ESPNL: variants seen among roughly 807,000 people sequenced by gnomAD.
ESPNL encodes espin-like protein.
ESPNL carries 49 observed loss-of-function variants against 46.8 expected under a neutral mutation model. The ratio of observed to expected loss-of-function variants is 1.05; its 90% CI spans 0.83 to 1.33. The LOEUF is 1.33. Among genes scored for constraint, ESPNL ranks in the 40% most tolerant of loss-of-function variants. The pLI is 0.00. For synonymous variants in ESPNL, 664 were observed against 662.1 expected (o/e 1.00, Z -0.04); for missense variants, 1,540 against 1,436.6 (o/e 1.07, Z -1.16).
In ESPNL at chr2:238,102,111, C is replaced by T. The variant is rs1192431968; in HGVS notation, c.465C>T (p.Leu155=). 3 of 1,558,456 alleles carry T rather than the reference C, an allele frequency of 1.9e-6. No individual in the cohort carries two copies. Among genetic ancestry groups the T allele is most frequent in the South Asian group, 1.2e-5 (1 of 85,406 alleles). The change falls in exon 2 of 9, where the codon CTC becomes CTT. Residue 155 remains leucine, a synonymous_variant. Coordinates refer to ENST00000343063, the MANE Select transcript of ESPNL (RefSeq NM_194312.4). ...AVSGDLTCLK[L]LTAAHGSSVN... ...GTGGGGACCTGACCTGCCTCAAGCTCCTGACAGCCGCGCATGGCAGGTAAG... is the reference window on the plus strand; with the variant it reads ...GTGGGGACCTGACCTGCCTCAAGCTTCTGACAGCCGCGCATGGCAGGTAAG...
chr2:238,128,925 G>A, intron 8 of ESPNL, 21 bp downstream of exon 8: 1 of 1,526,950 alleles, frequency 6.5e-7, no homozygotes, highest in East Asian at 2.5e-5. Flanking sequence ...GGCAGGGGCG[G>A]GACCAGTGGG....
intron 3 of ESPNL, among the ~76,000 whole-genome samples, chr2:238,106,580 C>A (rs1469788335): frequency 6.6e-6 from 1 of 152,232 alleles, no homozygotes; most frequent in Non-Finnish European, 1.5e-5. Context: ...GACCTGGGTC[C>A]CACCCTGGCC....
Position 238,130,890 on chromosome 2 carries a change from G to A in ESPNL, c.2176G>A (p.Gly726Ser). 1 of 1,547,678 alleles carries A rather than the reference G, an allele frequency of 6.5e-7. No homozygotes were observed. Among genetic ancestry groups the A allele is most frequent in the African/African-American group, 1.4e-5 (1 of 73,502 alleles). ...ISCEEVPSEA[G>S]AAAGPDLASL... ...CTGCGAGGAGGTGCCATCAGAGGCG[G>A]GTGCCGCAGCCGGCCCAGACCTGGC... The change falls in exon 9 of 9, where the codon GGT becomes AGT. Residue 726 changes from glycine (G) to serine (S), a missense_variant. Coordinates refer to ENST00000343063, the MANE Select transcript of ESPNL (RefSeq NM_194312.4).
Position 238,119,281 on chromosome 2 carries a change from G to A in ESPNL, c.987+2247G>A, listed in dbSNP as rs555966010. ...GGAGAAATGGATGAAAGAGTTGGACGGAGGAGGTGGATGGAGGAGAAATGG... is the reference window on the plus strand; with the variant it reads ...GGAGAAATGGATGAAAGAGTTGGACAGAGGAGGTGGATGGAGGAGAAATGG... On this transcript the variant is annotated intron_variant, in intron 5 of 8. Transcript: ENST00000343063. Among the ~76,000 whole-genome samples, 5 of 149,678 alleles carry A rather than the reference G, an allele frequency of 3.3e-5. No homozygotes were observed. In the South Asian group the frequency reaches 1.1e-3, roughly 33 times the overall value.
chr2:238,124,244 T>A lies in ESPNL; in HGVS notation c.988-1026T>A, dbSNP rs115307185. On this transcript the variant is annotated intron_variant, in intron 5 of 8. Transcript: ENST00000343063. Reference sequence around the variant, plus strand: ...TGACCCTGGAGCCCTGATGGCCACGTCTGGCTTCCAGTGCCCACTGGAGGG... The same window carrying A: ...TGACCCTGGAGCCCTGATGGCCACGACTGGCTTCCAGTGCCCACTGGAGGG... Among the ~76,000 whole-genome samples the A allele has an allele frequency of 3.9e-3, 601 of 152,310 alleles. 6 individuals carry two copies. Among genetic ancestry groups the A allele is most frequent in the African/African-American group, 0.014 (584 of 41,550 alleles).
intron 8 of ESPNL, chr2:238,129,112 C>G: frequency 7.1e-7 from 1 of 1,413,516 alleles, no homozygotes. Flanking sequence ...GCTCTGGAGG[C>G]ATGGGTCCCA....
intron 6 of ESPNL, among the ~76,000 whole-genome samples, chr2:238,126,084 G>C (rs1157974171): frequency 2.0e-5 from 3 of 151,658 alleles, no homozygotes; most frequent in African/African-American, 7.3e-5. Context: ...GTGTGTCTGT[G>C]TGTGACTATG....
In ESPNL at chr2:238,107,784, TC is replaced by T; in HGVS notation, c.673-3del. ...GATGGCTGCTCCCTCTGCCCCTCCT[TC>T]CCCAGGTCACATTCACCGACATCGG... On this transcript the variant is annotated splice_region_variant and splice_polypyrimidine_tract_variant and intron_variant, in intron 3 of 8. Coordinates refer to ENST00000343063, the MANE Select transcript of ESPNL (RefSeq NM_194312.4). 1 of 1,573,330 alleles carries T rather than the reference TC, an allele frequency of 6.4e-7. No homozygotes were observed. Among genetic ancestry groups the T allele is most frequent in the Admixed American group, 1.8e-5 (1 of 55,182 alleles).
chr2:238,126,573 G>GTGTC (rs200015346), intron 6 of ESPNL, among the ~76,000 whole-genome samples: 65,446 of 144,700 alleles, frequency 0.45, 15,821 homozygotes, highest in Non-Finnish European at 0.54. Flanking sequence ...GTGTTTGTGT[G>GTGTC]TGTCTGTGAT....
Position 238,131,489 on chromosome 2 carries a change from C to A in ESPNL, c.2775C>A (p.Arg925=), listed in dbSNP as rs753170212. The A allele has an allele frequency of 6.2e-7, 1 of 1,611,844 alleles. No individual in the cohort carries two copies. Among genetic ancestry groups the A allele is most frequent in the South Asian group, 1.1e-5 (1 of 91,034 alleles). The stretch of plus-strand genomic sequence containing the variant: ...ACGGCTTCGAGGACATCAAAGCCCG[C>A]TTCTTTGGCTCCAGCCAGCGTCCCG... ...WTDGFEDIKA[R]FFGSSQRPAW... Residue 925 remains arginine, a synonymous_variant, in exon 9 of 9, where the codon CGC becomes CGA. Coordinates refer to ENST00000343063, the MANE Select transcript of ESPNL (RefSeq NM_194312.4).
intron 6 of ESPNL, among the ~76,000 whole-genome samples, chr2:238,126,412 GTGTGTT>G (rs886130857): frequency 6.0e-5 from 9 of 151,012 alleles, no homozygotes; most frequent in East Asian, 2.0e-4. Flanking sequence ...GCCTGTGTAT[GTGTGTT>G]TGTGTTTGTG....
Position 238,131,662 on chromosome 2 carries a change from G to C in ESPNL, c.2948G>C (p.Cys983Ser). ...GGCAGCTTCAACGGTGAGGACATCT[G>C]CGGCTACATCAACCGCAGCTTTGCC... is the stretch of plus-strand genomic sequence containing the variant. ...QQGSFNGEDI[C>S]GYINRSFAFW... Residue 983 changes from cysteine (C) to serine (S), a missense_variant, in exon 9 of 9, where the codon TGC becomes TCC. Coordinates refer to ENST00000343063, the MANE Select transcript of ESPNL (RefSeq NM_194312.4). 6.2e-7 allele frequency: 1 copy of C among 1,604,358 alleles called. No homozygotes were observed. Among genetic ancestry groups the C allele is most frequent in the African/African-American group, 1.3e-5 (1 of 74,894 alleles).
intron 6 of ESPNL, chr2:238,127,253 G>A (rs756057854): frequency 1.5e-6 from 1 of 648,060 alleles, no homozygotes; most frequent in African/African-American, 1.9e-5. Context: ...TGACCCTGAA[G>A]TGTGTGTTTT....
intron 5 of ESPNL, among the ~76,000 whole-genome samples, chr2:238,117,784 A>G (rs944563052): frequency 2.0e-5 from 3 of 152,322 alleles, no homozygotes; most frequent in Admixed American, 1.3e-4. Context: ...TGAGCAGAGG[A>G]AGGGATGGAT....
chr2:238,112,231 A>T (rs1054451856), intron 4 of ESPNL, among the ~76,000 whole-genome samples: 2 of 147,846 alleles, frequency 1.4e-5, no homozygotes, highest in African/African-American at 2.7e-5. Flanking sequence ...GTTTCAGCAA[A>T]TTATATTTTT....
rs2106481166 is a variant in ESPNL, at chr2:238,130,912, T to C, written c.2198T>C (p.Leu733Pro). 6.5e-7 allele frequency: 1 copy of C among 1,547,516 alleles called. No homozygotes were observed. Among genetic ancestry groups the C allele is most frequent in the African/African-American group, 1.4e-5 (1 of 73,354 alleles). ...GCGGGTGCCGCAGCCGGCCCAGACC[T>C]GGCCAGCCTGCGCAAGGAGCGCATC... ...SEAGAAAGPDLASLRKERIIM... is the reference protein window; with the variant it reads ...SEAGAAAGPDPASLRKERIIM... The change falls in exon 9 of 9, where the codon CTG becomes CCG. Residue 733 changes from leucine (L) to proline (P), a missense_variant. Transcript: ENST00000343063.
intron 5 of ESPNL, among the ~76,000 whole-genome samples, chr2:238,123,603 G>T (rs758541819): frequency 1.3e-5 from 2 of 152,260 alleles, no homozygotes; most frequent in South Asian, 2.1e-4. Flanking sequence ...GCCCAAGCCC[G>T]CCTGGCCACC....
At chr2:238,108,013 G>A (rs895968482) in intron 4 of ESPNL, 40 bp downstream of exon 4, 4 of 1,571,646 alleles carry the variant, frequency 2.5e-6, no homozygotes, top group African/African-American at 2.7e-5. Context: ...GCAGTCACAA[G>A]TGCCAGCCAT....
In ESPNL at chr2:238,130,662, G is replaced by A; in HGVS notation, c.1948G>A (p.Val650Met). Reference protein sequence around the residue: ...EAQRQIQEWGVSVRTLRGNFE... With the variant: ...EAQRQIQEWGMSVRTLRGNFE... ...CCAGCGCCAGATCCAGGAGTGGGGG[G>A]TGTCTGTGCGGACGCTGCGGGGCAA... Residue 650 changes from valine to methionine, a missense_variant, in exon 9 of 9, where the codon GTG becomes ATG. By Grantham distance (21) the Val-to-Met change is conservative. Coordinates refer to ENST00000343063, the MANE Select transcript of ESPNL (RefSeq NM_194312.4). 2 of 1,561,584 alleles carry A rather than the reference G, an allele frequency of 1.3e-6. No homozygotes were observed. The highest frequency in any genetic ancestry group is 4.8e-5 in the East Asian group (2 of 42,084).
Sources: gnomAD v4.1 joint callset for allele counts (sites outside exome capture counted in the v4.1 genomes callset) on GRCh38, gnomAD v4.1.1 for gene constraint, MANE v1.5 for transcripts, NCBI Gene and HGNC (gene_info 2026-07-23, HGNC 2026-07-21) for gene names.